Variants in CCDC93 observed in about 807,000 individuals in gnomAD.
CCDC93 encodes CCC complex scaffolding subunit CCDC93, also known as coiled-coil domain-containing protein 93.
In CCDC93, 61 loss-of-function variants were observed where a neutral mutation model predicts 108.2. The ratio of observed to expected loss-of-function variants is 0.56; its 90% CI spans 0.46 to 0.70. CCDC93 has a LOEUF of 0.70. Ranked by LOEUF, CCDC93 falls within the 30% of genes least tolerant of loss-of-function variation. The pLI is 0.00. For missense variants in CCDC93, 685 were observed against 764.2 expected, an observed-to-expected ratio of 0.90 and a Z score of 1.22; for synonymous variants, 276 against 260.4, an observed-to-expected ratio of 1.06 and a Z score of -0.58.
chr2:117,944,054 T>C lies in CCDC93; in HGVS notation c.1383A>G (p.Lys461=). The change falls in exon 18 of 24, where the codon AAA becomes AAG. Residue 461 remains lysine, a synonymous_variant. Coordinates refer to ENST00000376300, the MANE Select transcript of CCDC93 (RefSeq NM_019044.5). ...GTAAACGTATCTTGTAAAGTTTCTCTTTCTCCATATTATACCGTCTGTCTA... is the reference window on the plus strand; with the variant it reads ...GTAAACGTATCTTGTAAAGTTTCTCCTTCTCCATATTATACCGTCTGTCTA... ...EDLDRRYNME[K]EKLYKIRLLQ... 6.2e-7 allele frequency: 1 copy of C among 1,606,626 alleles called. No individual in the cohort carries two copies. Among genetic ancestry groups the C allele is most frequent in the Non-Finnish European group, 8.5e-7 (1 of 1,177,174 alleles).
At chr2:117,925,592 C>T (rs889492931) in intron 23 of CCDC93, among the ~76,000 whole-genome samples, 1 of 152,172 alleles carries the variant, frequency 6.6e-6, no homozygotes, top group African/African-American at 2.4e-5. Flanking sequence ...TATATATGCA[C>T]CCAATACAGG....
chr2:117,937,665 G>T (rs1678565810), intron 20 of CCDC93, among the ~76,000 whole-genome samples: 1 of 152,218 alleles, frequency 6.6e-6, no homozygotes, highest in Non-Finnish European at 1.5e-5. Context: ...TGGGGTTTAA[G>T]GTCTTTGGGA....
intron 6 of CCDC93, among the ~76,000 whole-genome samples, chr2:117,993,611 T>C (rs986938821): frequency 1.3e-5 from 2 of 152,232 alleles, no homozygotes; most frequent in Non-Finnish European, 2.9e-5. Flanking sequence ...ATTATCACCT[T>C]GTTTTCATAT....
intron 4 of CCDC93, chr2:117,998,073 C>T (rs1167156910): frequency 1.3e-5 from 2 of 152,176 alleles, no homozygotes; most frequent in Non-Finnish European, 2.9e-5. Flanking sequence ...GCCACAGGTT[C>T]CCTAGCACTC....
rs184976312 is a variant in CCDC93, at chr2:117,992,038, C to T, written c.519+3408G>A. ...GACAGAGCTCGCTAAGAAACCTACG[C>T]AGACAGCTCCTGGAAGTGAGGGGTG... On this transcript the variant is annotated intron_variant, in intron 6 of 23. Transcript: ENST00000376300. Among the ~76,000 whole-genome samples the T allele has an allele frequency of 7.2e-5, 11 of 152,228 alleles. No individual in the cohort carries two copies. The East Asian group carries it at 2.1e-3, about 29-fold the overall frequency.
At chr2:117,952,667 T>C (rs904522384) in intron 12 of CCDC93, among the ~76,000 whole-genome samples, 14 of 152,226 alleles carry the variant, frequency 9.2e-5, no homozygotes, top group Non-Finnish European at 1.5e-5. Flanking sequence ...ACTGAATCTT[T>C]ATATTCAGTG....
Position 117,925,408 on chromosome 2 carries a change from A to G in CCDC93, c.1843-5012T>C, listed in dbSNP as rs1233684729. The stretch of plus-strand genomic sequence containing the variant: ...TATGCAGAGACACACATAGGCTCAA[A>G]ATAAAGGGATGGAGGAAGATCTACC... On this transcript the variant is annotated intron_variant, in intron 23 of 23. Transcript: ENST00000376300. 2.6e-5 allele frequency among the ~76,000 whole-genome samples: 4 copies of G among 152,344 alleles called. No individual in the cohort carries two copies. In the East Asian group the frequency reaches 7.7e-4, roughly 29 times the overall value.
At chr2:117,949,188 A>G in intron 14 of CCDC93, 134 bp downstream of exon 14, 1 of 645,586 alleles carries the variant, frequency 1.5e-6, no homozygotes, top group Non-Finnish European at 2.8e-6. Flanking sequence ...ATGAACAGTA[A>G]AATGATCTGA....
At chr2:117,973,213 A>C (rs1679820789) in intron 11 of CCDC93, among the ~76,000 whole-genome samples, 1 of 152,096 alleles carries the variant, frequency 6.6e-6, no homozygotes. Flanking sequence ...GATTCTGAGA[A>C]AAGGAAAGCA....
At chr2:117,978,470 G>A (rs1175704211) in intron 7 of CCDC93, among the ~76,000 whole-genome samples, 1 of 151,704 alleles carries the variant, frequency 6.6e-6, no homozygotes, top group Non-Finnish European at 1.5e-5. Flanking sequence ...CATAATCCAA[G>A]CATGATGCCA....
At chr2:117,941,553 T>C (rs556139729) in intron 18 of CCDC93, among the ~76,000 whole-genome samples, 2 of 152,146 alleles carry the variant, frequency 1.3e-5, no homozygotes, top group South Asian at 2.1e-4. Context: ...GGAGGGAAGA[T>C]ACTGAATGGG....
chr2:118,009,930 T>C (rs1676979500), intron 1 of CCDC93, among the ~76,000 whole-genome samples: 1 of 152,080 alleles, frequency 6.6e-6, no homozygotes, highest in Non-Finnish European at 1.5e-5. Flanking sequence ...TTGTTGCTTT[T>C]GTTTTTGTTT....
At chr2:117,968,602 A>G (rs1408033608) in intron 11 of CCDC93, among the ~76,000 whole-genome samples, 1 of 152,108 alleles carries the variant, frequency 6.6e-6, no homozygotes, top group Admixed American at 6.5e-5. Context: ...GTTATGTTAC[A>G]CTCTTATAAG....
At chr2:117,945,650 T>C (rs1275068564) in intron 16 of CCDC93, 68 bp from the exon 17 acceptor site, 16 of 1,401,868 alleles carry the variant, frequency 1.1e-5, no homozygotes, top group Non-Finnish European at 1.6e-5. Context: ...GCCAAGGATC[T>C]AGATGTAGGA....
At chr2:117,938,484 T>C (rs1055087904) in intron 20 of CCDC93, among the ~76,000 whole-genome samples, 3 of 150,056 alleles carry the variant, frequency 2.0e-5, no homozygotes, top group African/African-American at 7.4e-5. Context: ...TGTATACATA[T>C]GTAACTAACC....
intron 20 of CCDC93, among the ~76,000 whole-genome samples, chr2:117,937,604 A>G (rs2104724174): frequency 6.6e-6 from 1 of 152,332 alleles, no homozygotes; most frequent in East Asian, 1.9e-4. Flanking sequence ...CAATATTCCT[A>G]GTTTTTAAAC....
intron 6 of CCDC93, among the ~76,000 whole-genome samples, chr2:117,986,564 A>G (rs1395329781): frequency 2.0e-5 from 3 of 152,112 alleles, no homozygotes; most frequent in Non-Finnish European, 4.4e-5. Context: ...CATTACCTGG[A>G]TATCACCACA....
At position 117,958,403 on chromosome 2, in the gene CCDC93, T is replaced by G; in HGVS notation, c.967A>C (p.Asn323His). The stretch of plus-strand genomic sequence containing the variant: ...TTGGTCTTTTGCGCAATCTGTTTGT[T>G]CAAGGAAATGACTTTCCGGCGATGT... ...QLHRRKVISL[N>H]KQIAQKTKHL... Residue 323 changes from asparagine (N) to histidine (H), a missense_variant, in exon 12 of 24, where the codon AAC (asparagine) becomes CAC (histidine). Transcript: ENST00000376300. 1 of 1,613,550 alleles carries G rather than the reference T, an allele frequency of 6.2e-7. No individual in the cohort carries two copies. Among genetic ancestry groups the G allele is most frequent in the Non-Finnish European group, 8.5e-7 (1 of 1,179,462 alleles).
At chr2:118,006,907 T>C (rs755416759) in intron 2 of CCDC93, 91 bp from the exon 3 acceptor site, 26 of 740,084 alleles carry the variant, frequency 3.5e-5, no homozygotes, top group Middle Eastern at 3.5e-4. Context: ...ATAGCTCTAA[T>C]AGACTCAGTA....
Sources: gnomAD v4.1 joint callset for allele counts (sites outside exome capture counted in the v4.1 genomes callset) on GRCh38, gnomAD v4.1.1 for gene constraint, MANE v1.5 for transcripts, NCBI Gene and HGNC (gene_info 2026-07-23, HGNC 2026-07-21) for gene names.